HDGFL3: variants seen among roughly 807,000 people sequenced by gnomAD.
HDGFL3 encodes hepatoma-derived growth factor-related protein 3.
A neutral mutation model predicts 27.6 loss-of-function variants in HDGFL3; 6 were observed. The observed-to-expected ratio is 0.22, with a 90% CI of 0.12 to 0.43. The LOEUF (loss-of-function observed/expected upper bound fraction) is 0.43, where lower values mean the gene tolerates loss of function less well. HDGFL3 is among the 20% of genes least tolerant of loss of function. The pLI is 1.00. For missense variants in HDGFL3, 207 were observed against 250.1 expected (o/e 0.83, Z 1.16); for synonymous variants, 88 against 88.9 (o/e 0.99, Z 0.05).
chr15:83,114,081 C>CCTTTT (rs1200117215), exon 4 of HDGFL3: 3 of 152,346 alleles, frequency 2.0e-5, no homozygotes, highest in Non-Finnish European at 4.4e-5. Flanking sequence ...GGCCCACATG[C>CCTTTT]CTTTTCCTGG....
At chr15:83,182,529 A>T (rs1244487420) in intron 1 of HDGFL3, among the ~76,000 whole-genome samples, 1 of 152,214 alleles carries the variant, frequency 6.6e-6, no homozygotes, top group Non-Finnish European at 1.5e-5. Flanking sequence ...CACTATGCTA[A>T]ATGAAAGAAG....
At position 83,157,884 on chromosome 15, in the gene HDGFL3, C is replaced by A. The variant is rs1567169115; in HGVS notation, c.300+19G>T. 1 of 1,605,920 alleles carries A rather than the reference C, an allele frequency of 6.2e-7. No homozygotes were observed. The highest frequency in any genetic ancestry group is 2.2e-5 in the East Asian group (1 of 44,804). On this transcript the variant is annotated intron_variant, in intron 3 of 5. Coordinates refer to ENST00000299633, the MANE Select transcript of HDGFL3 (RefSeq NM_016073.4). ...CAAAGAAATGAGATATAGCAAGTGA[C>A]AAGGAAGTAAACCATTACCTGGTAG...
intron 1 of HDGFL3, among the ~76,000 whole-genome samples, chr15:83,186,938 T>C (rs1257336511): frequency 6.6e-6 from 1 of 152,162 alleles, no homozygotes; most frequent in Non-Finnish European, 1.5e-5. Flanking sequence ...TATCTGTAAA[T>C]TGGATTTATC....
In HDGFL3 at chr15:83,128,187, A is replaced by AT. The variant is rs1470265822; in HGVS notation, c.*11082dup. 1.3e-5 allele frequency: 2 copies of AT among 152,314 alleles called. No homozygotes were observed. Among genetic ancestry groups the AT allele is most frequent in the Admixed American group, 6.5e-5 (1 of 15,284 alleles). The allele number at this position is 152,314 out of a possible 1,614,324, so 9.4% of individuals were successfully genotyped here. On this transcript the variant is annotated 3_prime_UTR_variant, in exon 6 of 6. Coordinates refer to ENST00000299633, the MANE Select transcript of HDGFL3 (RefSeq NM_016073.4). ...TTCATCTTGTTCTTTTCAAGCAGTTATAAGAATGAGGTTCATCTAGAAACT... is the reference window on the plus strand; with the variant it reads ...TTCATCTTGTTCTTTTCAAGCAGTTATTAAGAATGAGGTTCATCTAGAAACT...
rs979333740 is a variant in HDGFL3 at position 83,136,397 on chromosome 15, C to T, written c.*2873G>A. 1 of 1,205,136 alleles carries T rather than the reference C, an allele frequency of 8.3e-7. No individual in the cohort carries two copies. Among genetic ancestry groups the T allele is most frequent in the Non-Finnish European group, 1.1e-6 (1 of 882,428 alleles). 74.7% of individuals were successfully genotyped at this position (1,205,136 alleles called of 1,614,324 possible). A position where few individuals can be genotyped will look rare whatever the true frequency, so the allele number is the denominator to read the frequency against. ...TGGTTTTGAGGGCACAGAAACGTAG[C>T]CTGAATGAACCATTCAGAACTCATC... is the stretch of plus-strand genomic sequence containing the variant. On this transcript the variant is annotated 3_prime_UTR_variant, in exon 6 of 6. Transcript: ENST00000299633.
chr15:83,185,956 T>G (rs926330395), intron 1 of HDGFL3: 1 of 152,286 alleles, frequency 6.6e-6, no homozygotes, highest in Non-Finnish European at 1.5e-5. Flanking sequence ...TTGTCAGTTA[T>G]TCTATGAAGC....
intron 1 of HDGFL3, among the ~76,000 whole-genome samples, chr15:83,165,877 G>A (rs2151406796): frequency 6.9e-6 from 1 of 145,500 alleles, no homozygotes; most frequent in Admixed American, 6.8e-5. Context: ...CCGGTCTTTT[G>A]AACTAGTCCA....
rs895468483 is a variant in HDGFL3, at chr15:83,163,918, G to A, written c.161+81C>T. 4.9e-5 allele frequency: 44 copies of A among 891,262 alleles called. No homozygotes were observed. The South Asian group carries it at 5.5e-4, about 11-fold the overall frequency. 55.2% of individuals were successfully genotyped at this position (891,262 alleles called of 1,614,324 possible). On this transcript the variant is annotated intron_variant, in intron 2 of 5. Transcript: ENST00000299633. ...CTGATTATAATGATTTTAATAAGAC[G>A]TAAGATGTCAGAGATCATCCATAAC...
intron 4 of HDGFL3, 40 bp downstream of exon 4, chr15:83,157,375 T>A (rs373454684): frequency 6.5e-7 from 1 of 1,541,298 alleles, no homozygotes. Context: ...TTAATGGATA[T>A]GCATATAACA....
chr15:83,115,443 T>C, exon 4 of HDGFL3: 1 of 355,260 alleles, frequency 2.8e-6, no homozygotes. Context: ...AACTTAGTGG[T>C]CACTTCTATG....
chr15:83,202,672 T>C (rs527267074), intron 1 of HDGFL3, among the ~76,000 whole-genome samples: 1 of 152,160 alleles, frequency 6.6e-6, no homozygotes, highest in Non-Finnish European at 1.5e-5. Flanking sequence ...ATAACTTTCA[T>C]ACAGTATAGT....
intron 1 of HDGFL3, chr15:83,185,122 CA>C (rs1321470245): frequency 2.0e-5 from 3 of 152,146 alleles, no homozygotes; most frequent in Non-Finnish European, 4.4e-5. Context: ...CTCCCGGGTT[CA>C]AGCAATTCTC....
intron 5 of HDGFL3, among the ~76,000 whole-genome samples, chr15:83,146,631 G>A (rs959291032): frequency 6.6e-6 from 1 of 152,004 alleles, no homozygotes; most frequent in Admixed American, 6.6e-5. Context: ...CCTACTCTCT[G>A]CGAAAACCTT....
chr15:83,193,518 G>C (rs561854673), intron 1 of HDGFL3, among the ~76,000 whole-genome samples: 1 of 152,118 alleles, frequency 6.6e-6, no homozygotes, highest in South Asian at 2.1e-4. Context: ...AAAACAGTAC[G>C]GTGTTTCCTC....
rs539638558 is a variant in HDGFL3, at chr15:83,187,191, G to C, written c.84+20140C>G. Among the ~76,000 whole-genome samples the C allele has an allele frequency of 3.5e-5, 5 of 143,528 alleles. No individual in the cohort carries two copies. The East Asian group carries it at 9.9e-4, about 29-fold the overall frequency. 94.2% of individuals were successfully genotyped at this position (143,528 alleles called of 152,430 possible). ...TTTTTTTTAAACAGAGACATTGTTTGTTTGTTAATTGAGTAAGTGGAGGCT... is the reference window on the plus strand; with the variant it reads ...TTTTTTTTAAACAGAGACATTGTTTCTTTGTTAATTGAGTAAGTGGAGGCT... On this transcript the variant is annotated intron_variant, in intron 1 of 5. Transcript: ENST00000299633.
Position 83,207,317 on chromosome 15 carries a change from G to C in HDGFL3, c.84+14C>G. On this transcript the variant is annotated intron_variant, in intron 1 of 5. Coordinates refer to ENST00000299633, the MANE Select transcript of HDGFL3 (RefSeq NM_016073.4). The surrounding 1 kb of genome is among the most constrained non-coding windows in gnomAD (Gnocchi z 4.8). ...TGGTGGGCGGGCGGGCCCGCGCGCGGCCGCGGTACTCACCCGGGCCGGCCA... is the reference window on the plus strand; with the variant it reads ...TGGTGGGCGGGCGGGCCCGCGCGCGCCCGCGGTACTCACCCGGGCCGGCCA... 7.4e-7 allele frequency: 1 copy of C among 1,352,778 alleles called. No individual in the cohort carries two copies. Among genetic ancestry groups the C allele is most frequent in the Non-Finnish European group, 9.5e-7 (1 of 1,047,744 alleles). 83.8% of individuals were successfully genotyped at this position (1,352,778 alleles called of 1,614,324 possible). A position where few individuals can be genotyped will look rare whatever the true frequency, so the allele number is the denominator to read the frequency against.
downstream of HDGFL3, chr15:83,126,888 T>C: frequency 6.5e-7 from 1 of 1,538,236 alleles, no homozygotes; most frequent in Non-Finnish European, 8.9e-7. Flanking sequence ...TAAAATTAAT[T>C]TTCTTTTTAA....
At chr15:83,169,318 C>T (rs1395431252) in intron 1 of HDGFL3, 8 of 343,252 alleles carry the variant, frequency 2.3e-5, no homozygotes, top group South Asian at 4.3e-5. Flanking sequence ...GAAAAGAAGT[C>T]GCAGGAGAAT....
At chr15:83,186,930 T>C (rs2037450396) in intron 1 of HDGFL3, among the ~76,000 whole-genome samples, 3 of 152,192 alleles carry the variant, frequency 2.0e-5, no homozygotes, top group Admixed American at 2.0e-4. Context: ...CTTTATTCTA[T>C]CTGTAAATTG....
Sources: allele counts gnomAD v4.1 joint callset (sites outside exome capture counted in the v4.1 genomes callset), GRCh38; gene constraint gnomAD v4.1.1; non-coding constraint Gnocchi (gnomAD v3.1); transcripts MANE v1.5; gene names NCBI Gene and HGNC (gene_info 2026-07-23, HGNC 2026-07-21).